Variants in PCSK6 observed in about 807,000 individuals in gnomAD.
PCSK6 encodes the protein paired basic amino acid cleaving enzyme 4.
In PCSK6, 85 loss-of-function variants were observed where a neutral mutation model predicts 123.3. The ratio of observed to expected loss-of-function variants is 0.69; its 90% confidence interval spans 0.58 to 0.83. PCSK6 has a LOEUF of 0.83. Ranked by LOEUF, PCSK6 falls within the 40% of genes least tolerant of loss-of-function variation. The pLI is 0.00. For synonymous variants in PCSK6, 508 were observed against 516.0 expected (o/e 0.98, Z 0.21); for missense variants, 1,191 against 1,282.3 (o/e 0.93, Z 1.09).
At chr15:101,356,301 C>T (rs1275491412) in intron 13 of PCSK6, among the ~76,000 whole-genome samples, 1 of 152,052 alleles carries the variant, frequency 6.6e-6, no homozygotes, top group African/African-American at 2.4e-5. Context: ...CTCTTCCACA[C>T]CCACACTGTG....
At chr15:101,437,609 C>A (rs1567221076) in intron 2 of PCSK6, among the ~76,000 whole-genome samples, 1 of 152,144 alleles carries the variant, frequency 6.6e-6, no homozygotes, top group Non-Finnish European at 1.5e-5. Flanking sequence ...ACTACAGGTG[C>A]CAGAAGACCC....
intron 16 of PCSK6, among the ~76,000 whole-genome samples, chr15:101,325,511 C>T (rs554678249): frequency 6.6e-6 from 1 of 152,336 alleles, no homozygotes; most frequent in South Asian, 2.1e-4. Flanking sequence ...TGCACGGCCG[C>T]ACCCGTGCCT....
intron 13 of PCSK6, among the ~76,000 whole-genome samples, chr15:101,345,240 G>A (rs1463173117): frequency 6.6e-6 from 1 of 152,212 alleles, no homozygotes; most frequent in African/African-American, 2.4e-5. Flanking sequence ...CTGTGGGAGG[G>A]AGATTTCAAG....
chr15:101,489,275 G>T, intron 1 of PCSK6, 99 bp downstream of exon 1: 1 of 795,506 alleles, frequency 1.3e-6, no homozygotes, highest in Non-Finnish European at 1.5e-6. Flanking sequence ...ACGCGCGCGC[G>T]GGGCCGGGGC....
At chr15:101,456,912 C>T (rs2057198259) in intron 1 of PCSK6, among the ~76,000 whole-genome samples, 1 of 152,152 alleles carries the variant, frequency 6.6e-6, no homozygotes, top group South Asian at 2.1e-4. Context: ...CACAGTGGCT[C>T]ATGCCTGTAA....
chr15:101,347,226 T>C (rs1236907763), intron 13 of PCSK6: 8 of 1,232,276 alleles, frequency 6.5e-6, no homozygotes, highest in Non-Finnish European at 8.1e-6. Context: ...ACAGGATAGA[T>C]TGAGCCATCG....
chr15:101,462,183 C>G lies in PCSK6; in HGVS notation c.298-18523G>C, dbSNP rs73483178. ...AGACCAATCTAAAAAATCAACTGCA[C>G]GTCTATATACTAGCAACAACTGTTA... On this transcript the variant is annotated intron_variant, in intron 1 of 21. Transcript: ENST00000611716. Among the ~76,000 whole-genome samples, 211 of 152,242 alleles carry G rather than the reference C, an allele frequency of 1.4e-3. 2 individuals are homozygous for G. Among genetic ancestry groups the G allele is most frequent in the African/African-American group, 4.7e-3 (196 of 41,544 alleles).
intron 15 of PCSK6, among the ~76,000 whole-genome samples, chr15:101,330,002 G>T (rs947231229): frequency 6.6e-6 from 1 of 152,208 alleles, no homozygotes; most frequent in Non-Finnish European, 1.5e-5. Context: ...CTCTGGGCGG[G>T]GGGACAGCCC....
chr15:101,411,858 G>C (rs2141622679), intron 6 of PCSK6, among the ~76,000 whole-genome samples: 1 of 152,252 alleles, frequency 6.6e-6, no homozygotes, highest in South Asian at 2.1e-4. Context: ...ACCTCAAAAG[G>C]GGCCCACTTG....
At chr15:101,425,873 C>G (rs778917179) in intron 6 of PCSK6, among the ~76,000 whole-genome samples, 1 of 152,190 alleles carries the variant, frequency 6.6e-6, no homozygotes, top group Non-Finnish European at 1.5e-5. Flanking sequence ...CTTCCACTGA[C>G]TCCTCCCCGC....
At chr15:101,340,064 A>G (rs1392585105) in intron 13 of PCSK6, among the ~76,000 whole-genome samples, 1 of 152,208 alleles carries the variant, frequency 6.6e-6, no homozygotes, top group East Asian at 1.9e-4. Flanking sequence ...TATGGCAAGT[A>G]AGAGAAAGGT....
Position 101,350,185 on chromosome 15 carries a change from C to A in PCSK6, c.1858+16011G>T, listed in dbSNP as rs570084323. 3.9e-5 allele frequency among the ~76,000 whole-genome samples: 6 copies of A among 152,250 alleles called. No individual in the cohort carries two copies. The East Asian group carries it at 1.2e-3, about 29-fold the overall frequency. Reference sequence around the variant, plus strand: ...CCTCTCAAAGTGCTGGGATTATAGGCGTGAGACAACGCACCTGGCCTTTAG... The same window carrying A: ...CCTCTCAAAGTGCTGGGATTATAGGAGTGAGACAACGCACCTGGCCTTTAG... On this transcript the variant is annotated intron_variant, in intron 13 of 21. Transcript: ENST00000611716.
chr15:101,334,909 G>A (rs1596195658), intron 13 of PCSK6, among the ~76,000 whole-genome samples: 1 of 152,140 alleles, frequency 6.6e-6, no homozygotes, highest in Admixed American at 6.5e-5. Context: ...ATGGAAGAGA[G>A]ACTTCATTAT....
At chr15:101,347,028 G>T (rs1387496874) in intron 13 of PCSK6, 2 of 1,231,618 alleles carry the variant, frequency 1.6e-6, no homozygotes, top group East Asian at 3.2e-5. Context: ...GGTTAAAAAT[G>T]GAACTTTTTG....
intron 9 of PCSK6, among the ~76,000 whole-genome samples, chr15:101,388,068 T>G (rs1182596891): frequency 1.3e-5 from 2 of 152,200 alleles, no homozygotes; most frequent in Admixed American, 1.3e-4. Context: ...GAGCAGGGTT[T>G]GTTTTCCATT....
At chr15:101,386,496 C>T (rs1033728838) in intron 9 of PCSK6, among the ~76,000 whole-genome samples, 4 of 152,238 alleles carry the variant, frequency 2.6e-5, no homozygotes, top group African/African-American at 9.6e-5. Flanking sequence ...AACTCTGTCC[C>T]ACGGGACACT....
In PCSK6 at chr15:101,332,005, G is replaced by GTA; in HGVS notation, c.1883_1884dup (p.Leu629TyrfsTer86). On this transcript the variant is annotated frameshift_variant, in exon 14 of 22. Coordinates refer to ENST00000611716, the MANE Select transcript of PCSK6 (RefSeq NM_002570.5). LOFTEE classifies it high-confidence loss of function. ...TACGGGTGCTCTGCTGTGCCATACAGTATGAGGCTCCATTCTTTCAACTTC... is the reference window on the plus strand; with the variant it reads ...TACGGGTGCTCTGCTGTGCCATACAGTATATGAGGCTCCATTCTTTCAACTTC... The GTA allele has an allele frequency of 6.2e-7, 1 of 1,604,202 alleles. No individual in the cohort carries two copies. The highest frequency in any genetic ancestry group is 8.5e-7 in the Non-Finnish European group (1 of 1,173,592).
chr15:101,326,432 C>A lies in PCSK6; in HGVS notation c.2125G>T (p.Ala709Ser). 1 of 1,586,324 alleles carries A rather than the reference C, an allele frequency of 6.3e-7. No individual in the cohort carries two copies. Among genetic ancestry groups the A allele is most frequent in the Admixed American group, 1.8e-5 (1 of 56,198 alleles). Residue 709 changes from alanine (A) to serine (S), a missense_variant, in exon 16 of 22, where the codon GCA becomes TCA. Ala to Ser is a moderately conservative substitution (Grantham distance 99). Coordinates refer to ENST00000611716, the MANE Select transcript of PCSK6 (RefSeq NM_002570.5). ...TGGACGCAGTTCAAGCACTGGTCTG[C>A]ATTGGGGCCATCACAGCCTTTGTCA... ...CGDKGCDGPN[A>S]DQCLNCVHFS... is the part of the protein sequence containing the mutation.
chr15:101,310,533 T>A (rs2039831563), intron 20 of PCSK6, among the ~76,000 whole-genome samples: 1 of 152,268 alleles, frequency 6.6e-6, no homozygotes, highest in South Asian at 2.1e-4. Context: ...CTGGTTACCA[T>A]GAAGGGTTTA....
Sources: allele counts gnomAD v4.1 joint callset (sites outside exome capture counted in the v4.1 genomes callset), GRCh38; gene constraint gnomAD v4.1.1; transcripts MANE v1.5; gene names NCBI Gene and HGNC (gene_info 2026-07-23, HGNC 2026-07-21).